Variants in SLIT2 observed in about 807,000 individuals in gnomAD.
The protein encoded by SLIT2 is slit homolog 2 protein.
In SLIT2, 41 loss-of-function variants were observed where a neutral mutation model predicts 185.7. That is an observed-to-expected ratio of 0.22 (90% CI 0.17 to 0.29). The LOEUF (loss-of-function observed/expected upper bound fraction) is 0.29. Ranked by LOEUF, SLIT2 falls within the 10% of genes least tolerant of loss-of-function variation. The pLI is 1.00. For missense variants in SLIT2, 1,571 were observed against 1,909.0 expected (o/e 0.82, Z 3.30); for synonymous variants, 693 against 680.2 (o/e 1.02, Z -0.29).
chr4:20,274,703 A>G (rs1713984833), intron 4 of SLIT2, among the ~76,000 whole-genome samples: 1 of 151,960 alleles, frequency 6.6e-6, no homozygotes, highest in East Asian at 1.9e-4. Context: ...AGCTCATAGC[A>G]TAAGAAAATC....
At chr4:20,534,328 A>G (rs1410233353) in intron 18 of SLIT2, among the ~76,000 whole-genome samples, 9 of 152,188 alleles carry the variant, frequency 5.9e-5, no homozygotes, top group Non-Finnish European at 1.5e-5. Flanking sequence ...CAAAGAAAAC[A>G]TGCTAAGAGT....
rs540450755 is a variant in SLIT2, at chr4:20,384,812, A to G, written c.396-82940A>G. On this transcript the variant is annotated intron_variant, in intron 4 of 36. Transcript: ENST00000504154. ...GTAATTATACCGGTGGTGACAATTC[A>G]TATGTATATGCTTTATGGTTTTGAA... Among the ~76,000 whole-genome samples the G allele has an allele frequency of 1.4e-3, 214 of 152,280 alleles. 1 individual carries two copies. Among genetic ancestry groups the G allele is most frequent in the Non-Finnish European group, 2.5e-3 (171 of 68,024 alleles).
chr4:20,381,707 C>G (rs908396947), intron 4 of SLIT2, among the ~76,000 whole-genome samples: 2 of 152,040 alleles, frequency 1.3e-5, no homozygotes, highest in African/African-American at 4.8e-5. Context: ...GATGAGCAAA[C>G]AAACTTCAAG....
chr4:20,257,038 A>T (rs1203777816), intron 2 of SLIT2, among the ~76,000 whole-genome samples: 1 of 152,148 alleles, frequency 6.6e-6, no homozygotes, highest in Admixed American at 6.5e-5. Flanking sequence ...TGTTTTCACA[A>T]AATGAATAAG....
chr4:20,528,245 G>A lies in SLIT2; in HGVS notation c.1463-704G>A, dbSNP rs766489486. The A allele has an allele frequency of 1.9e-6, 1 of 534,236 alleles. No homozygotes were observed. The highest frequency in any genetic ancestry group is 5.5e-5 in the East Asian group (1 of 18,324). 33.1% of individuals were successfully genotyped at this position (534,236 alleles called of 1,614,324 possible). ...TCCTCCTTCCCTCCATTTTCCTCTT[G>A]GTCTTACCTTTGGCCTAGTGGTTGG... On this transcript the variant is annotated intron_variant, in intron 15 of 36. Coordinates refer to ENST00000504154, the MANE Select transcript of SLIT2 (RefSeq NM_004787.4). This position sits in a 1 kb window ranked among gnomAD's most constrained non-coding sequence, Gnocchi z 4.2.
In SLIT2 at chr4:20,617,515, C is replaced by A. The variant is rs1420245032; in HGVS notation, c.4213C>A (p.Leu1405Ile). ...GTGCTTGGAGGGCCATGGAGGTGTC[C>A]TCTGTGATGAAGAGGAGGATCTGTT... ...CKCLEGHGGV[L>I]CDEEEDLFNP... Residue 1405 changes from leucine to isoleucine, a missense_variant, in exon 36 of 37, where the codon CTC becomes ATC. Coordinates refer to ENST00000504154, the MANE Select transcript of SLIT2 (RefSeq NM_004787.4). The A allele has an allele frequency of 6.2e-7, 1 of 1,613,988 alleles. No individual in the cohort carries two copies. The highest frequency in any genetic ancestry group is 1.1e-5 in the South Asian group (1 of 91,070).
At chr4:20,264,176 T>C (rs1366201197) in intron 3 of SLIT2, among the ~76,000 whole-genome samples, 1 of 151,928 alleles carries the variant, frequency 6.6e-6, no homozygotes, top group Non-Finnish European at 1.5e-5. Context: ...GTAAACTTTA[T>C]TTTATTTACA....
At chr4:20,361,690 AT>A (rs1722756111) in intron 4 of SLIT2, among the ~76,000 whole-genome samples, 1 of 152,170 alleles carries the variant, frequency 6.6e-6, no homozygotes, top group Non-Finnish European at 1.5e-5. Flanking sequence ...GGCATATTGA[AT>A]TTTTAAAGTA....
intron 4 of SLIT2, among the ~76,000 whole-genome samples, chr4:20,403,911 A>C (rs1434404846): frequency 6.6e-6 from 1 of 151,730 alleles, no homozygotes; most frequent in Non-Finnish European, 1.5e-5. Flanking sequence ...AAAAAAACAA[A>C]AACAAAAGCA....
intron 21 of SLIT2, among the ~76,000 whole-genome samples, chr4:20,545,160 A>G (rs1475888966): frequency 6.6e-6 from 1 of 152,012 alleles, no homozygotes; most frequent in Non-Finnish European, 1.5e-5. Flanking sequence ...GGACCACAAC[A>G]TTGGGGTAGG....
intron 4 of SLIT2, among the ~76,000 whole-genome samples, chr4:20,369,370 T>C (rs1723384044): frequency 6.6e-6 from 1 of 151,694 alleles, no homozygotes; most frequent in Non-Finnish European, 1.5e-5. Flanking sequence ...ATAGCAGGGG[T>C]CGGTAAACTA....
At chr4:20,283,701 CAG>C (rs1715008489) in intron 4 of SLIT2, among the ~76,000 whole-genome samples, 1 of 152,066 alleles carries the variant, frequency 6.6e-6, no homozygotes, top group Non-Finnish European at 1.5e-5. Context: ...CAAATGAAAA[CAG>C]AATCATAAAA....
At chr4:20,542,413 GTTAAT>G in intron 20 of SLIT2, 76 bp from the exon 21 acceptor site, 2 of 1,325,950 alleles carry the variant, frequency 1.5e-6, no homozygotes, top group Non-Finnish European at 2.1e-6. Context: ...TGTTTGTTAA[GTTAAT>G]TTAAAGGCAT....
intron 4 of SLIT2, among the ~76,000 whole-genome samples, chr4:20,290,375 A>C (rs1387839826): frequency 1.3e-5 from 2 of 152,226 alleles, no homozygotes. Flanking sequence ...AAAACTATAC[A>C]GTATAACAAC....
chr4:20,346,562 T>C (rs1408003870), intron 4 of SLIT2, among the ~76,000 whole-genome samples: 1 of 152,112 alleles, frequency 6.6e-6, no homozygotes, highest in Non-Finnish European at 1.5e-5. Context: ...ATAGCATATA[T>C]GGATATATGA....
At chr4:20,341,622 A>G (rs1442179180) in intron 4 of SLIT2, among the ~76,000 whole-genome samples, 1 of 152,218 alleles carries the variant, frequency 6.6e-6, no homozygotes, top group Non-Finnish European at 1.5e-5. Context: ...AATTGTATCT[A>G]GGGGAAGTAT....
chr4:20,430,973 G>A (rs1404486758), intron 4 of SLIT2, among the ~76,000 whole-genome samples: 1 of 152,176 alleles, frequency 6.6e-6, no homozygotes, highest in Non-Finnish European at 1.5e-5. Flanking sequence ...CCAACTTTCT[G>A]TGTCTTAACA....
intron 4 of SLIT2, among the ~76,000 whole-genome samples, chr4:20,409,416 A>T (rs1343258966): frequency 6.6e-6 from 1 of 152,072 alleles, no homozygotes; most frequent in Non-Finnish European, 1.5e-5. Context: ...CCCTTTTATG[A>T]CTGCATAGTA....
chr4:20,472,255 G>GATATATATCTATAT (rs1191025385), intron 5 of SLIT2, among the ~76,000 whole-genome samples: 5,960 of 21,678 alleles, frequency 0.27, 1,163 homozygotes, highest in African/African-American at 0.43. Flanking sequence ...TCTATATATA[G>GATATATATCTATAT]ATCTATATAT....
Sources: allele counts gnomAD v4.1 joint callset (sites outside exome capture counted in the v4.1 genomes callset), GRCh38; gene constraint gnomAD v4.1.1; non-coding constraint Gnocchi (gnomAD v3.1); transcripts MANE v1.5; gene names NCBI Gene and HGNC (gene_info 2026-07-23, HGNC 2026-07-21).